BRINP3: variants seen among roughly 807,000 people sequenced by gnomAD.
BRINP3 encodes BMP/retinoic acid inducible neural specific 3.
A neutral mutation model predicts 71.0 loss-of-function variants in BRINP3; 19 were observed. The ratio of observed to expected loss-of-function variants is 0.27; its 90% CI spans 0.19 to 0.39. BRINP3 has a LOEUF of 0.39. Ranked by LOEUF, BRINP3 falls within the 10% of genes least tolerant of loss-of-function variation. The pLI is 1.00. For missense variants in BRINP3, 959 were observed against 940.8 expected, an observed-to-expected ratio of 1.02 and a Z score of -0.25; for synonymous variants, 380 against 337.7, an observed-to-expected ratio of 1.13 and a Z score of -1.37.
intron 2 of BRINP3, among the ~76,000 whole-genome samples, chr1:190,283,477 A>G (rs2102942689): frequency 6.6e-6 from 1 of 151,950 alleles, no homozygotes; most frequent in African/African-American, 2.4e-5. Flanking sequence ...TAGGGCTTTT[A>G]TAGGCTGAAT....
intron 2 of BRINP3, among the ~76,000 whole-genome samples, chr1:190,368,154 T>G (rs1669628568): frequency 6.6e-6 from 1 of 152,110 alleles, no homozygotes; most frequent in Admixed American, 6.6e-5. Flanking sequence ...GGGGTTTAAT[T>G]AATGCAAAGT....
chr1:190,111,197 A>C (rs1050283774), intron 7 of BRINP3, among the ~76,000 whole-genome samples: 1 of 150,382 alleles, frequency 6.6e-6, no homozygotes, highest in African/African-American at 2.5e-5. Context: ...AAAAAAAAAA[A>C]AAAAAAAAAA....
At chr1:190,115,149 T>C (rs564572375) in intron 7 of BRINP3, among the ~76,000 whole-genome samples, 4 of 152,270 alleles carry the variant, frequency 2.6e-5, no homozygotes, top group Admixed American at 2.0e-4. Context: ...CAATAAATTA[T>C]GGTAAAGAAT....
intron 2 of BRINP3, among the ~76,000 whole-genome samples, chr1:190,297,796 G>GTT (rs1010601974): frequency 6.6e-6 from 1 of 151,158 alleles, no homozygotes; most frequent in African/African-American, 2.4e-5. Context: ...GTGTGTGTGT[G>GTT]TGTGTGTGCG....
intron 7 of BRINP3, among the ~76,000 whole-genome samples, chr1:190,117,436 A>C (rs1460235545): frequency 2.0e-5 from 3 of 152,014 alleles, no homozygotes; most frequent in African/African-American, 7.2e-5. Context: ...AAACATACAC[A>C]AACAGTAGAG....
At chr1:190,190,207 A>T (rs1246187978) in intron 6 of BRINP3, among the ~76,000 whole-genome samples, 1 of 152,124 alleles carries the variant, frequency 6.6e-6, no homozygotes, top group Non-Finnish European at 1.5e-5. Flanking sequence ...ATAGGGGGCT[A>T]TCAGGTTTTT....
chr1:190,465,296 T>A (rs1453353440), intron 1 of BRINP3, among the ~76,000 whole-genome samples: 2 of 151,956 alleles, frequency 1.3e-5, no homozygotes, highest in Non-Finnish European at 2.9e-5. Flanking sequence ...TATATTAGAT[T>A]GGAAAATCTA....
intron 7 of BRINP3, among the ~76,000 whole-genome samples, chr1:190,157,251 A>C (rs1656951902): frequency 6.6e-6 from 1 of 152,030 alleles, no homozygotes; most frequent in African/African-American, 2.4e-5. Context: ...TTTTTCATCC[A>C]CCAGGTTGAG....
At chr1:190,108,774 CT>C (rs2102272991) in intron 7 of BRINP3, among the ~76,000 whole-genome samples, 1 of 151,578 alleles carries the variant, frequency 6.6e-6, no homozygotes, top group Non-Finnish European at 1.5e-5. Flanking sequence ...AGTGACAAGA[CT>C]TCTCACTAAC....
intron 4 of BRINP3, among the ~76,000 whole-genome samples, chr1:190,262,236 C>G (rs1421650361): frequency 1.3e-5 from 2 of 152,074 alleles, no homozygotes; most frequent in Admixed American, 1.3e-4. Context: ...TCATAATAAC[C>G]CTGAGTGCAG....
chr1:190,416,915 T>A (rs1351393562), intron 2 of BRINP3, among the ~76,000 whole-genome samples: 1 of 152,146 alleles, frequency 6.6e-6, no homozygotes, highest in Non-Finnish European at 1.5e-5. Flanking sequence ...TTCCTCCAGA[T>A]CCAAGCAATT....
At chr1:190,445,638 C>A (rs1298219044) in intron 2 of BRINP3, among the ~76,000 whole-genome samples, 1 of 151,302 alleles carries the variant, frequency 6.6e-6, no homozygotes, top group Non-Finnish European at 1.5e-5. Context: ...GTGCTAAAAC[C>A]CAGTTTTTTT....
At chr1:190,462,681 T>A (rs1676475421) in intron 1 of BRINP3, among the ~76,000 whole-genome samples, 1 of 152,164 alleles carries the variant, frequency 6.6e-6, no homozygotes, top group African/African-American at 2.4e-5. Context: ...AATTTTCTTA[T>A]TTCAGTTCTC....
intron 2 of BRINP3, among the ~76,000 whole-genome samples, chr1:190,387,665 CTA>C (rs562976590): frequency 8.6e-4 from 131 of 151,802 alleles, no homozygotes; most frequent in African/African-American, 2.9e-3. Context: ...GTTGCTTTTC[CTA>C]TGTCTCATTT....
chr1:190,369,221 C>A (rs539456064), intron 2 of BRINP3, among the ~76,000 whole-genome samples: 2 of 151,926 alleles, frequency 1.3e-5, no homozygotes, highest in Non-Finnish European at 2.9e-5. Flanking sequence ...TTATTATAAT[C>A]GGGACTCCAA....
chr1:190,464,124 T>A (rs1676578464), intron 1 of BRINP3, among the ~76,000 whole-genome samples: 1 of 149,472 alleles, frequency 6.7e-6, no homozygotes, highest in South Asian at 2.1e-4. Context: ...AAAAATTACG[T>A]CTTTCAAAAA....
At chr1:190,283,036 A>G in intron 2 of BRINP3, among the ~76,000 whole-genome samples, 1 of 152,048 alleles carries the variant, frequency 6.6e-6, no homozygotes, top group East Asian at 1.9e-4. Context: ...AAGGGACATG[A>G]CACTGACAGT....
At position 190,135,378 on chromosome 1, in the gene BRINP3, T is replaced by C. The variant is rs568486342; in HGVS notation, c.1184+25290A>G. On this transcript the variant is annotated intron_variant, in intron 7 of 7. Transcript: ENST00000367462. The stretch of plus-strand genomic sequence containing the variant: ...ATTTGTTAGTAGAATTGGGAGTTCA[T>C]GAGCTTTAGTATTGTGGAGATGACA... Among the ~76,000 whole-genome samples, 14 of 152,250 alleles carry C rather than the reference T, an allele frequency of 9.2e-5. 1 individual carries two copies. The South Asian group carries it at 2.9e-3, about 32-fold the overall frequency.
intron 2 of BRINP3, among the ~76,000 whole-genome samples, chr1:190,314,674 G>A (rs1043055407): frequency 3.3e-5 from 5 of 152,142 alleles, no homozygotes; most frequent in African/African-American, 1.2e-4. Flanking sequence ...TTAGCCCAGT[G>A]AGCCTCCTGT....
Sources: allele counts gnomAD v4.1 joint callset (sites outside exome capture counted in the v4.1 genomes callset), GRCh38; gene constraint gnomAD v4.1.1; transcripts MANE v1.5; gene names NCBI Gene and HGNC (gene_info 2026-07-23, HGNC 2026-07-21).